Variants in FRYL observed in about 807,000 individuals in gnomAD.
FRYL encodes the protein FRY like transcription coactivator.
FRYL carries 150 observed loss-of-function variants against 351.2 expected under a neutral mutation model. The observed-to-expected ratio is 0.43, with a 90% CI of 0.37 to 0.49. FRYL has a LOEUF of 0.49. Ranked by LOEUF, FRYL falls within the 20% of genes least tolerant of loss-of-function variation. The pLI is 0.00. For missense variants in FRYL, 3,036 were observed against 3,619.3 expected (o/e 0.84, Z 4.13); for synonymous variants, 1,153 against 1,257.1 (o/e 0.92, Z 1.75).
In FRYL at chr4:48,580,990, T is replaced by C. The variant is rs751862899; in HGVS notation, c.2173-39A>G. The stretch of plus-strand genomic sequence containing the variant: ...ATCATATGTCTAAAAAAATTAGGAA[T>C]GTTTAAGCAAAGTAGCCAAACCCAA... On this transcript the variant is annotated intron_variant, in intron 21 of 63. Transcript: ENST00000358350. The C allele has an allele frequency of 2.0e-5, 28 of 1,399,172 alleles. No homozygotes were observed. In the East Asian group the frequency reaches 5.8e-4, roughly 29 times the overall value. 86.7% of individuals were successfully genotyped at this position (1,399,172 alleles called of 1,614,324 possible).
intron 2 of FRYL, among the ~76,000 whole-genome samples, chr4:48,687,042 T>C (rs879163543): frequency 1.3e-5 from 2 of 152,228 alleles, no homozygotes; most frequent in South Asian, 2.1e-4. Flanking sequence ...TGGGTCTTTC[T>C]GGGACCTTTT....
intron 2 of FRYL, among the ~76,000 whole-genome samples, chr4:48,710,251 T>C (rs1214520694): frequency 1.3e-5 from 2 of 152,168 alleles, no homozygotes; most frequent in Non-Finnish European, 2.9e-5. Flanking sequence ...AGATAAACTA[T>C]CTCAGCCTTA....
chr4:48,766,125 T>C (rs571267878), intron 1 of FRYL, among the ~76,000 whole-genome samples: 1 of 152,340 alleles, frequency 6.6e-6, no homozygotes, highest in East Asian at 1.9e-4. Flanking sequence ...AATTTCACTA[T>C]TGGGTATATA....
At chr4:48,573,358 TA>T (rs1560633531) in intron 25 of FRYL, 115 bp from the exon 26 acceptor site, 6 of 658,496 alleles carry the variant, frequency 9.1e-6, no homozygotes, top group Non-Finnish European at 1.6e-5. Flanking sequence ...CCTACTGTTT[TA>T]AACACAATGT....
chr4:48,687,492 C>CGGGGGGGGGG (rs561805370), intron 2 of FRYL, among the ~76,000 whole-genome samples: 13 of 46,582 alleles, frequency 2.8e-4, no homozygotes, highest in African/African-American at 5.5e-4. Flanking sequence ...CAAATGAGGT[C>CGGGGGGGGGG]GGGGGGGGGG....
intron 56 of FRYL, among the ~76,000 whole-genome samples, chr4:48,514,194 A>G (rs1169939808): frequency 6.6e-6 from 1 of 152,176 alleles, no homozygotes; most frequent in Non-Finnish European, 1.5e-5. Context: ...TAATTATTAA[A>G]TATTAATTTT....
At chr4:48,503,548 CTA>C (rs1484009280) in intron 60 of FRYL, among the ~76,000 whole-genome samples, 1 of 152,178 alleles carries the variant, frequency 6.6e-6, no homozygotes, top group East Asian at 1.9e-4. Flanking sequence ...ATCTTAAAAA[CTA>C]TATGAAAACA....
chr4:48,592,082 T>TTATATATATATATATATATA (rs56320005), intron 16 of FRYL, among the ~76,000 whole-genome samples: 1,858 of 115,018 alleles, frequency 0.016, 33 homozygotes, highest in African/African-American at 0.022. Flanking sequence ...AATAAAGCTC[T>TTATATATATATATATATATA]TATATATATA....
intron 1 of FRYL, among the ~76,000 whole-genome samples, chr4:48,729,038 G>T (rs886083988): frequency 3.3e-5 from 5 of 152,218 alleles, no homozygotes; most frequent in African/African-American, 1.2e-4. Context: ...CTTTTCCCAC[G>T]GTCTTCGCAA....
At chr4:48,711,311 CA>C (rs1313569193) in intron 1 of FRYL, among the ~76,000 whole-genome samples, 1 of 152,240 alleles carries the variant, frequency 6.6e-6, no homozygotes, top group East Asian at 1.9e-4. Context: ...CTTTCCTAAT[CA>C]AAGAAAGGGG....
chr4:48,722,288 T>C (rs1376789655), intron 1 of FRYL, among the ~76,000 whole-genome samples: 1 of 152,190 alleles, frequency 6.6e-6, no homozygotes, highest in Non-Finnish European at 1.5e-5. Flanking sequence ...GAATAGTAAC[T>C]ATATTTACCA....
At chr4:48,737,004 G>A (rs925011063) in intron 1 of FRYL, among the ~76,000 whole-genome samples, 2 of 151,798 alleles carry the variant, frequency 1.3e-5, no homozygotes, top group African/African-American at 4.8e-5. Context: ...AGGTGGCCGG[G>A]CGTGGTGGCT....
intron 27 of FRYL, among the ~76,000 whole-genome samples, chr4:48,569,188 T>C (rs1418913512): frequency 1.3e-5 from 2 of 152,204 alleles, no homozygotes; most frequent in Non-Finnish European, 2.9e-5. Context: ...CCAAAGAAGA[T>C]TCAGATGTGT....
intron 45 of FRYL, among the ~76,000 whole-genome samples, chr4:48,541,455 A>G (rs1730142874): frequency 6.6e-6 from 1 of 152,240 alleles, no homozygotes; most frequent in African/African-American, 2.4e-5. Context: ...AAAGGAAGGA[A>G]TATTAGACAA....
intron 1 of FRYL, among the ~76,000 whole-genome samples, chr4:48,740,356 G>C (rs1012879573): frequency 7.2e-6 from 1 of 138,348 alleles, no homozygotes; most frequent in Non-Finnish European, 1.5e-5. Flanking sequence ...ATGCAGTGAC[G>C]CGATTTCTGC....
intron 3 of FRYL, among the ~76,000 whole-genome samples, chr4:48,644,004 C>A (rs1755865951): frequency 6.6e-6 from 1 of 152,090 alleles, no homozygotes. Context: ...AGTGCAATAG[C>A]ACGATCTCGG....
chr4:48,709,557 T>A (rs1217843489), intron 2 of FRYL, among the ~76,000 whole-genome samples: 1 of 152,092 alleles, frequency 6.6e-6, no homozygotes, highest in African/African-American at 2.4e-5. Context: ...ATCTAAAGTA[T>A]CTCTATCAGA....
chr4:48,727,984 G>A (rs745910031), intron 1 of FRYL, among the ~76,000 whole-genome samples: 1 of 152,126 alleles, frequency 6.6e-6, no homozygotes, highest in Non-Finnish European at 1.5e-5. Context: ...AAAAGACTGA[G>A]ATCTAATCAG....
chr4:48,648,450 C>A (rs1435759024), intron 3 of FRYL, among the ~76,000 whole-genome samples: 2 of 152,136 alleles, frequency 1.3e-5, no homozygotes, highest in African/African-American at 4.8e-5. Context: ...CCACCTATCT[C>A]CCAAACTGTT....
Sources: allele counts gnomAD v4.1 joint callset (sites outside exome capture counted in the v4.1 genomes callset), GRCh38; gene constraint gnomAD v4.1.1; transcripts MANE v1.5; gene names NCBI Gene and HGNC (gene_info 2026-07-23, HGNC 2026-07-21).